The following RYR2 variants were observed in gnomAD, a reference collection of about 807,000 sequenced individuals.
RYR2 encodes the protein ryanodine receptor 2.
Under a neutral mutation model 601.1 loss-of-function variants are expected in RYR2, and 227 were observed. The observed-to-expected ratio is 0.38, with a 90% CI of 0.34 to 0.42. The LOEUF (loss-of-function observed/expected upper bound fraction) is 0.42. Ranked by LOEUF, RYR2 falls within the 10% of genes least tolerant of loss-of-function variation. RYR2 has a pLI of 1.00. For missense variants in RYR2, 4,646 were observed against 6,156.5 expected, an observed-to-expected ratio of 0.75 and a Z score of 8.21; for synonymous variants, 2,223 against 2,175.1, an observed-to-expected ratio of 1.02 and a Z score of -0.61.
rs147582412 is a variant in RYR2, at chr1:237,768,928, C to T, written c.11477-1879C>T. 2.9e-3 allele frequency among the ~76,000 whole-genome samples: 435 copies of T among 152,170 alleles called. 3 individuals are homozygous for T. Among genetic ancestry groups the T allele is most frequent in the Middle Eastern group, 6.8e-3 (2 of 294 alleles). On this transcript the variant is annotated intron_variant, in intron 84 of 104. Transcript: ENST00000366574. The stretch of plus-strand genomic sequence containing the variant: ...CCTTATATAAGTGAAATTACTTGTA[C>T]GTGTTTCGGTATACAGTCAAGAAAA...
Position 237,501,014 on chromosome 1 carries a change from G to A in RYR2, c.2396+111G>A, listed in dbSNP as rs1017856061. 1.2e-5 allele frequency: 13 copies of A among 1,062,164 alleles called. No homozygotes were observed. The African/African-American group carries it at 2.0e-4, about 17-fold the overall frequency. 65.8% of individuals were successfully genotyped at this position (1,062,164 alleles called of 1,614,324 possible). A position where few individuals can be genotyped will look rare whatever the true frequency, so the allele number is the denominator to read the frequency against. On this transcript the variant is annotated intron_variant, in intron 21 of 104. Coordinates refer to ENST00000366574, the MANE Select transcript of RYR2 (RefSeq NM_001035.3). Reference sequence around the variant, plus strand: ...CTCTAACCATTGTTTGTCTCTCCTGGGCACCTGTCCTCTGCGCATTTTGCC... The same window carrying A: ...CTCTAACCATTGTTTGTCTCTCCTGAGCACCTGTCCTCTGCGCATTTTGCC...
intron 12 of RYR2, among the ~76,000 whole-genome samples, chr1:237,435,607 G>A (rs992266998): frequency 6.6e-6 from 1 of 152,064 alleles, no homozygotes; most frequent in Non-Finnish European, 1.5e-5. Flanking sequence ...GTTGTATGCT[G>A]GTCTTTTTTA....
At chr1:237,379,781 G>A (rs913905761) in intron 8 of RYR2, among the ~76,000 whole-genome samples, 4 of 152,064 alleles carry the variant, frequency 2.6e-5, no homozygotes, top group Admixed American at 2.0e-4. Flanking sequence ...ACCTTGCCCA[G>A]CCTGTGCTAC....
At chr1:237,334,189 A>G (rs774118349) in intron 3 of RYR2, among the ~76,000 whole-genome samples, 16 of 152,240 alleles carry the variant, frequency 1.1e-4, no homozygotes, top group Non-Finnish European at 1.9e-4. Flanking sequence ...CATGGTTTTC[A>G]TAAAATGGTT....
chr1:237,185,120 C>T (rs1679209665), intron 1 of RYR2, among the ~76,000 whole-genome samples: 1 of 151,924 alleles, frequency 6.6e-6, no homozygotes. Context: ...CCCACCTCGG[C>T]CCCCCAAATA....
At chr1:237,082,239 A>G (rs6660040) in intron 1 of RYR2, among the ~76,000 whole-genome samples, 15,763 of 152,062 alleles carry the variant, frequency 0.1, 926 homozygotes, top group East Asian at 0.22. Flanking sequence ...GTTAAGCCAC[A>G]CAGCTCATCG....
rs954281811 is a variant in RYR2, at chr1:237,773,720, T to C, written c.11775+72T>C. ...AAAAATGCAGTATATCTAGAGTAGTTTCCATATCTCCTATTGACCCCTTTC... is the reference window on the plus strand; with the variant it reads ...AAAAATGCAGTATATCTAGAGTAGTCTCCATATCTCCTATTGACCCCTTTC... On this transcript the variant is annotated intron_variant, in intron 87 of 104. Transcript: ENST00000366574. 3 of 1,249,508 alleles carry C rather than the reference T, an allele frequency of 2.4e-6. No homozygotes were observed. The Admixed American group carries it at 6.5e-5, about 27-fold the overall frequency. The allele number at this position is 1,249,508 out of a possible 1,614,324, so 77.4% of individuals were successfully genotyped here. A position where few individuals can be genotyped will look rare whatever the true frequency, so the allele number is the denominator to read the frequency against.
chr1:237,312,112 C>T (rs1377490533), intron 2 of RYR2, among the ~76,000 whole-genome samples: 11 of 152,076 alleles, frequency 7.2e-5, no homozygotes, highest in Non-Finnish European at 1.3e-4. Flanking sequence ...AATAGATTGT[C>T]AGGAGTGAGC....
intron 1 of RYR2, among the ~76,000 whole-genome samples, chr1:237,227,525 GA>G (rs370493676): frequency 6.6e-6 from 1 of 152,114 alleles, no homozygotes; most frequent in Admixed American, 6.5e-5. Context: ...ACATCTATGA[GA>G]AAAAAATGAA....
chr1:237,453,314 T>C (rs1269707244), intron 14 of RYR2, among the ~76,000 whole-genome samples: 1 of 152,132 alleles, frequency 6.6e-6, no homozygotes, highest in African/African-American at 2.4e-5. Context: ...GTTTTACTGT[T>C]TCTACTGTTT....
chr1:237,272,779 TAACTCAGAA>T (rs1190431901), intron 2 of RYR2, among the ~76,000 whole-genome samples: 3 of 151,906 alleles, frequency 2.0e-5, no homozygotes, highest in African/African-American at 7.2e-5. Context: ...CATACATTCT[TAACTCAGAA>T]ACAAGATGAG....
At chr1:237,148,540 A>ATG (rs1674315729) in intron 1 of RYR2, among the ~76,000 whole-genome samples, 1 of 134,246 alleles carries the variant, frequency 7.4e-6, no homozygotes, top group Non-Finnish European at 1.6e-5. Context: ...ATATATATAT[A>ATG]TATATATATA....
chr1:237,295,746 A>G (rs1371268052), intron 2 of RYR2, among the ~76,000 whole-genome samples: 1 of 152,200 alleles, frequency 6.6e-6, no homozygotes, highest in Non-Finnish European at 1.5e-5. Context: ...TATAAAAAGG[A>G]AAAAATATTG....
intron 17 of RYR2, among the ~76,000 whole-genome samples, chr1:237,473,068 T>G (rs994046588): frequency 2.0e-5 from 3 of 152,010 alleles, no homozygotes; most frequent in Admixed American, 6.6e-5. Context: ...GGGACAATAG[T>G]GTTATCTACC....
intron 1 of RYR2, among the ~76,000 whole-genome samples, chr1:237,112,106 T>C (rs1054750989): frequency 6.6e-5 from 10 of 152,072 alleles, no homozygotes; most frequent in African/African-American, 2.4e-4. Context: ...TTTTGCTACT[T>C]CCCCTACTCT....
Position 237,709,452 on chromosome 1 carries a change from A to G in RYR2, c.10143-28A>G, listed in dbSNP as rs540886978. The G allele has an allele frequency of 4.7e-5, 69 of 1,462,640 alleles. No individual in the cohort carries two copies. The East Asian group carries it at 1.5e-3, about 33-fold the overall frequency. 90.6% of individuals were successfully genotyped at this position (1,462,640 alleles called of 1,614,324 possible). On this transcript the variant is annotated intron_variant, in intron 69 of 104. Transcript: ENST00000366574. Reference sequence around the variant, plus strand: ...AAATTAACTTTAAGGAGTAGCTGAGAAACCACTTTATTTATTATGTGATCC... The same window carrying G: ...AAATTAACTTTAAGGAGTAGCTGAGGAACCACTTTATTTATTATGTGATCC...
At chr1:237,239,104 C>T (rs1685888193) in intron 1 of RYR2, among the ~76,000 whole-genome samples, 1 of 152,100 alleles carries the variant, frequency 6.6e-6, no homozygotes, top group Admixed American at 6.5e-5. Context: ...GAACTTTTCC[C>T]ATCTCTATAT....
chr1:237,525,318 A>C (rs2147893001), intron 24 of RYR2, among the ~76,000 whole-genome samples: 1 of 152,220 alleles, frequency 6.6e-6, no homozygotes, highest in South Asian at 2.1e-4. Context: ...GTGGCTGTAT[A>C]GTTTTCCATG....
chr1:237,651,420 A>G lies in RYR2; in HGVS notation c.7743A>G (p.Arg2581=). ...VCLLSICGQL[R]PSMMQHLLRR... ...AGCTTTGTTCCAACAGACAACTGAG[A>G]CCTTCTATGATGCAGCACTTACTCA... The change falls in exon 51 of 105, where the codon AGA becomes AGG. Residue 2581 remains arginine (R), a synonymous_variant. Coordinates refer to ENST00000366574, the MANE Select transcript of RYR2 (RefSeq NM_001035.3). 1 of 1,593,350 alleles carries G rather than the reference A, an allele frequency of 6.3e-7. No individual in the cohort carries two copies. The highest frequency in any genetic ancestry group is 2.3e-5 in the East Asian group (1 of 44,400).
Sources: allele counts gnomAD v4.1 joint callset (sites outside exome capture counted in the v4.1 genomes callset), GRCh38; gene constraint gnomAD v4.1.1; transcripts MANE v1.5; gene names NCBI Gene and HGNC (gene_info 2026-07-23, HGNC 2026-07-21).